The following NEIL3 variants were observed in gnomAD, a reference collection of about 807,000 sequenced individuals.
NEIL3 encodes nei like DNA glycosylase 3, also known as endonuclease 8-like 3.
A neutral mutation model predicts 57.5 loss-of-function variants in NEIL3; 48 were observed. That is an observed-to-expected ratio of 0.83 (90% CI 0.66 to 1.06). The LOEUF (loss-of-function observed/expected upper bound fraction) is 1.06, where lower values mean the gene tolerates loss of function less well. Among genes scored for constraint, NEIL3 ranks in the 50% least tolerant of loss-of-function variants. The pLI is 0.00. For synonymous variants in NEIL3, 261 were observed against 253.2 expected (o/e 1.03, Z -0.29); for missense variants, 717 against 739.1 (o/e 0.97, Z 0.35).
Position 177,341,458 on chromosome 4 carries a change from G to C in NEIL3, c.703-18G>C. On this transcript the variant is annotated intron_variant, in intron 5 of 9. Transcript: ENST00000264596. The stretch of plus-strand genomic sequence containing the variant: ...TGTTTTGTGGATAACAGAATTTTTT[G>C]GTTTTTTTTTTTTTTAGTGCCGTAA... 1 of 1,451,842 alleles carries C rather than the reference G, an allele frequency of 6.9e-7. No homozygotes were observed. Among genetic ancestry groups the C allele is most frequent in the Non-Finnish European group, 9.3e-7 (1 of 1,072,844 alleles). 89.9% of individuals were successfully genotyped at this position (1,451,842 alleles called of 1,614,324 possible).
the NEIL3 span, among the ~76,000 whole-genome samples, chr4:177,370,052 G>A: frequency 6.6e-6 from 1 of 152,202 alleles, no homozygotes; most frequent in East Asian, 1.9e-4. Context: ...AAGGAACAGT[G>A]CAAAAGCTGT....
chr4:177,341,113 C>A (rs2110912701), intron 5 of NEIL3, among the ~76,000 whole-genome samples: 1 of 152,166 alleles, frequency 6.6e-6, no homozygotes, highest in East Asian at 1.9e-4. Flanking sequence ...GCTAATCTAG[C>A]CTTTTTCTTT....
Position 177,362,509 on chromosome 4 carries a change from G to C in NEIL3, c.*38G>C, listed in dbSNP as rs767690808. On this transcript the variant is annotated 3_prime_UTR_variant, in exon 10 of 10. Coordinates refer to ENST00000264596, the MANE Select transcript of NEIL3 (RefSeq NM_018248.3). ...CTCTGGCATTTAGTCTCTTCAAACT[G>C]TGTATAATGTTTGGTCCTCCTCTGT... is the stretch of plus-strand genomic sequence containing the variant. 6.8e-7 allele frequency: 1 copy of C among 1,473,682 alleles called. No homozygotes were observed. Among genetic ancestry groups the C allele is most frequent in the East Asian group, 2.3e-5 (1 of 43,388 alleles). The allele number at this position is 1,473,682 out of a possible 1,614,324, so 91.3% of individuals were successfully genotyped here. A position where few individuals can be genotyped will look rare whatever the true frequency, so the allele number is the denominator to read the frequency against.
chr4:177,340,048 T>C (rs1232180733), intron 5 of NEIL3, among the ~76,000 whole-genome samples, 191 bp downstream of exon 5: 6 of 152,214 alleles, frequency 3.9e-5, no homozygotes, highest in Non-Finnish European at 7.3e-5. Context: ...TTCAAACTCG[T>C]CTAACTATAA....
At chr4:177,368,372 T>A in the NEIL3 span, among the ~76,000 whole-genome samples, 5 of 152,342 alleles carry the variant, frequency 3.3e-5, no homozygotes, top group Admixed American at 6.5e-5. Context: ...AGTTCATCAG[T>A]ATTGGCAAAT....
chr4:177,368,572 T>A, the NEIL3 span, among the ~76,000 whole-genome samples: 1 of 152,228 alleles, frequency 6.6e-6, no homozygotes, highest in Non-Finnish European at 1.5e-5. Context: ...TTCCTTATTC[T>A]TCACAGAATC....
rs1310786472 is a variant in NEIL3, at chr4:177,351,504, C to T, written c.994C>T (p.Pro332Ser). ...TGTGGTGTGTACTTTAATCAATAAG[C>T]CCTCTTCTAAGGCATGTGATGCTTG... is the stretch of plus-strand genomic sequence containing the variant. Reference protein sequence around the residue: ...TCVVCTLINKPSSKACDACLT... With the variant: ...TCVVCTLINKSSSKACDACLT... The change falls in exon 7 of 10, where the codon CCC (proline) becomes TCC (serine). Residue 332 changes from proline (P) to serine (S), a missense_variant. Coordinates refer to ENST00000264596, the MANE Select transcript of NEIL3 (RefSeq NM_018248.3). The T allele has an allele frequency of 1.5e-5, 25 of 1,613,764 alleles. No homozygotes were observed. Among genetic ancestry groups the T allele is most frequent in the African/African-American group, 4.0e-5 (3 of 74,878 alleles).
intron 6 of NEIL3, among the ~76,000 whole-genome samples, chr4:177,346,081 A>T (rs115869406): frequency 0.018 from 2,692 of 152,236 alleles, 81 homozygotes; most frequent in African/African-American, 0.061. Flanking sequence ...TTTTGCCCCT[A>T]CATATCTATT....
intron 2 of NEIL3, among the ~76,000 whole-genome samples, chr4:177,331,460 A>G (rs1056325885): frequency 1.3e-5 from 2 of 151,986 alleles, no homozygotes; most frequent in East Asian, 3.9e-4. Context: ...TAACTAATAT[A>G]TAATATAAAA....
chr4:177,317,613 T>G (rs1734600543), intron 1 of NEIL3, among the ~76,000 whole-genome samples: 1 of 138,538 alleles, frequency 7.2e-6, no homozygotes. Flanking sequence ...TTTTTTTTTT[T>G]TTTTTTTTGA....
intron 5 of NEIL3, 105 bp from the exon 6 acceptor site, chr4:177,341,371 T>C: frequency 1.2e-6 from 1 of 868,338 alleles, no homozygotes; most frequent in Non-Finnish European, 1.7e-6. Context: ...CATATGTAAA[T>C]TTTTAGCAGA....
intron 1 of NEIL3, among the ~76,000 whole-genome samples, chr4:177,315,163 TCTC>T (rs2111110237): frequency 6.6e-6 from 1 of 152,226 alleles, no homozygotes; most frequent in African/African-American, 2.4e-5. Flanking sequence ...GGTATTTTCT[TCTC>T]TATAGGGAAA....
chr4:177,335,675 G>C lies in NEIL3; in HGVS notation c.279-13G>C, dbSNP rs1353069296. Reference sequence around the variant, plus strand: ...ACTTTCTGCCACTCAAAAATGGTTTGATTTTGTTTCAGGATTCATTTCGGA... The same window carrying C: ...ACTTTCTGCCACTCAAAAATGGTTTCATTTTGTTTCAGGATTCATTTCGGA... On this transcript the variant is annotated splice_polypyrimidine_tract_variant and intron_variant, in intron 2 of 9. Transcript: ENST00000264596. 6.2e-7 allele frequency: 1 copy of C among 1,607,930 alleles called. No homozygotes were observed. Among genetic ancestry groups the C allele is most frequent in the Non-Finnish European group, 8.5e-7 (1 of 1,177,684 alleles).
chr4:177,352,336 G>T (rs1412133711), intron 7 of NEIL3, among the ~76,000 whole-genome samples: 1 of 152,152 alleles, frequency 6.6e-6, no homozygotes, highest in Admixed American at 6.5e-5. Flanking sequence ...GTGTCCTTCA[G>T]CAGAGGCGGA....
At chr4:177,365,777 A>T (rs1467670171), downstream of NEIL3, among the ~76,000 whole-genome samples, 1 of 152,230 alleles carries the variant, frequency 6.6e-6, no homozygotes, top group Non-Finnish European at 1.5e-5. Context: ...AGCCTTTGTG[A>T]AAATTGGTTC....
intron 1 of NEIL3, among the ~76,000 whole-genome samples, chr4:177,319,698 G>A (rs1046856917): frequency 6.6e-6 from 1 of 152,262 alleles, no homozygotes; most frequent in Admixed American, 6.5e-5. Context: ...GGGTAAAGGA[G>A]ATTAAAGCAC....
intron 6 of NEIL3, among the ~76,000 whole-genome samples, chr4:177,350,307 C>T (rs1268936111): frequency 6.6e-6 from 1 of 152,154 alleles, no homozygotes; most frequent in African/African-American, 2.4e-5. Context: ...GCCATGGTTG[C>T]TTAACTGTGT....
At chr4:177,321,517 C>A (rs990157959) in intron 1 of NEIL3, among the ~76,000 whole-genome samples, 1 of 152,006 alleles carries the variant, frequency 6.6e-6, no homozygotes, top group Non-Finnish European at 1.5e-5. Flanking sequence ...AGAAAAAGGG[C>A]ATTACTAAAA....
Position 177,351,494 on chromosome 4 carries a change from A to G in NEIL3, c.984A>G (p.Leu328=), listed in dbSNP as rs1040206998. The change falls in exon 7 of 10, where the codon TTA becomes TTG. Residue 328 remains leucine (L), a synonymous_variant. Coordinates refer to ENST00000264596, the MANE Select transcript of NEIL3 (RefSeq NM_018248.3). Reference sequence around the variant, plus strand: ...ACTGGACCTGTGTGGTGTGTACTTTAATCAATAAGCCCTCTTCTAAGGCAT... The same window carrying G: ...ACTGGACCTGTGTGGTGTGTACTTTGATCAATAAGCCCTCTTCTAAGGCAT... The part of the protein sequence containing the change: ...EEHWTCVVCT[L]INKPSSKACD... 7 of 1,614,002 alleles carry G rather than the reference A, an allele frequency of 4.3e-6. No homozygotes were observed. In the Admixed American group the frequency reaches 1.2e-4, roughly 27 times the overall value.
Sources: gnomAD v4.1 joint callset for allele counts (sites outside exome capture counted in the v4.1 genomes callset) on GRCh38, gnomAD v4.1.1 for gene constraint, MANE v1.5 for transcripts, NCBI Gene and HGNC (gene_info 2026-07-23, HGNC 2026-07-21) for gene names.